The following EXD1 variants were observed in gnomAD, a reference collection of about 807,000 sequenced individuals.
The protein encoded by EXD1 is piRNA biogenesis protein EXD1.
A neutral mutation model predicts 49.1 loss-of-function variants in EXD1; 63 were observed. That is an observed-to-expected ratio of 1.28 (90% CI 1.05 to 1.58). The LOEUF is 1.58. Among genes scored for constraint, EXD1 ranks in the 40% most tolerant of loss-of-function variants. The probability of loss-of-function intolerance (pLI) is 0.00; values close to 1 mark genes in which losing one functional copy is unlikely to be tolerated. For missense variants in EXD1, 748 were observed against 666.0 expected, an observed-to-expected ratio of 1.12 and a Z score of -1.36; for synonymous variants, 234 against 239.2, an observed-to-expected ratio of 0.98 and a Z score of 0.20.
At chr15:41,218,006 C>G (rs926880970) in intron 3 of EXD1, among the ~76,000 whole-genome samples, 2 of 152,150 alleles carry the variant, frequency 1.3e-5, no homozygotes, top group Non-Finnish European at 2.9e-5. Flanking sequence ...CTTTTGGGGA[C>G]AACTCCTCCA....
intron 7 of EXD1, among the ~76,000 whole-genome samples, chr15:41,197,768 G>C (rs1048552415): frequency 6.7e-6 from 1 of 150,200 alleles, no homozygotes; most frequent in African/African-American, 2.4e-5. Context: ...GGATTACAGG[G>C]ACCCGCCACC....
At chr15:41,196,770 T>A (rs546389552) in intron 7 of EXD1, among the ~76,000 whole-genome samples, 1 of 152,166 alleles carries the variant, frequency 6.6e-6, no homozygotes, top group South Asian at 2.1e-4. Flanking sequence ...TTTCACCATG[T>A]TGGCCAGGCT....
intron 7 of EXD1, among the ~76,000 whole-genome samples, chr15:41,206,618 C>CT (rs764744329): frequency 0.46 from 46,125 of 101,004 alleles, 12,871 homozygotes; most frequent in East Asian, 0.65. Context: ...TTATTCAATT[C>CT]TTTTTTTTTT....
chr15:41,219,130 A>G (rs891247112), intron 3 of EXD1, among the ~76,000 whole-genome samples: 1 of 152,056 alleles, frequency 6.6e-6, no homozygotes, highest in African/African-American at 2.4e-5. Flanking sequence ...CTCTTATCCT[A>G]CTTGACATGT....
chr15:41,188,839 G>C (rs1380017713), intron 11 of EXD1, among the ~76,000 whole-genome samples: 3 of 110,056 alleles, frequency 2.7e-5, no homozygotes, highest in Admixed American at 2.4e-4. Flanking sequence ...GTCTTGCTCT[G>C]TCACCCAGGC....
At chr15:41,193,999 ATTTTT>A (rs747194413) in intron 9 of EXD1, among the ~76,000 whole-genome samples, 3 of 82,940 alleles carry the variant, frequency 3.6e-5, no homozygotes, top group African/African-American at 1.7e-4. Context: ...ATGACAAGTG[ATTTTT>A]TTTTTTTTTT....
chr15:41,199,086 A>G (rs2046665417), intron 7 of EXD1, among the ~76,000 whole-genome samples: 1 of 152,086 alleles, frequency 6.6e-6, no homozygotes, highest in African/African-American at 2.4e-5. Context: ...CAGCCTCCCA[A>G]GTAGCTGGGA....
At chr15:41,222,477 G>C (rs1453324210) in intron 2 of EXD1, among the ~76,000 whole-genome samples, 1 of 152,022 alleles carries the variant, frequency 6.6e-6, no homozygotes, top group African/African-American at 2.4e-5. Flanking sequence ...CCTCCTTTAG[G>C]AGATCACTCC....
At chr15:41,202,691 T>G (rs903987923) in intron 7 of EXD1, among the ~76,000 whole-genome samples, 21 of 152,118 alleles carry the variant, frequency 1.4e-4, no homozygotes, top group African/African-American at 4.6e-4. Flanking sequence ...GGTCTCCAAC[T>G]CCTGGCTTCA....
chr15:41,220,452 G>A (rs1312748144), intron 2 of EXD1, among the ~76,000 whole-genome samples: 2 of 152,084 alleles, frequency 1.3e-5, no homozygotes, highest in Non-Finnish European at 2.9e-5. Flanking sequence ...TAGAGACGGG[G>A]TTTCACCGTG....
intron 2 of EXD1, among the ~76,000 whole-genome samples, chr15:41,223,824 C>T (rs970988960): frequency 3.3e-5 from 5 of 151,578 alleles, no homozygotes; most frequent in Admixed American, 3.3e-4. Flanking sequence ...AAGATTGCAC[C>T]ACTGCACTCC....
At chr15:41,229,392 C>T (rs1464110190) in intron 1 of EXD1, among the ~76,000 whole-genome samples, 1 of 152,058 alleles carries the variant, frequency 6.6e-6, no homozygotes, top group Non-Finnish European at 1.5e-5. Flanking sequence ...GCATGATAAT[C>T]CCTTGAACCC....
At chr15:41,221,104 C>T (rs1456403166) in intron 2 of EXD1, among the ~76,000 whole-genome samples, 1 of 152,116 alleles carries the variant, frequency 6.6e-6, no homozygotes, top group Non-Finnish European at 1.5e-5. Flanking sequence ...CTGAGCCAGG[C>T]ATCATGCTAT....
intron 10 of EXD1, among the ~76,000 whole-genome samples, chr15:41,190,976 C>A (rs538140447): frequency 2.6e-5 from 4 of 152,132 alleles, no homozygotes; most frequent in Middle Eastern, 3.4e-3. Flanking sequence ...TGCAGTGGCA[C>A]GATCTCAGCT....
Position 41,184,587 on chromosome 15 carries a change from A to C in EXD1, c.1063T>G (p.Cys355Gly). 4.4e-6 allele frequency: 7 copies of C among 1,579,790 alleles called. No individual in the cohort carries two copies. Among genetic ancestry groups the C allele is most frequent in the South Asian group, 1.2e-5 (1 of 85,062 alleles). Residue 355 changes from cysteine (C) to glycine (G), a missense_variant, in exon 12 of 12, where the codon TGT becomes GGT. Cys to Gly is a radical substitution (Grantham distance 159, BLOSUM62 -3). Coordinates refer to ENST00000458580, the MANE Select transcript of EXD1 (RefSeq NM_001286441.2). ...AGCAGTTCCTCTGGCAGCTCCATAC[A>C]TGTAGGCTAAGAAGAGAAAGCGAAC... Reference protein sequence around the residue: ...ADRLGGTEPTCMELPEELLQL... With the variant: ...ADRLGGTEPTGMELPEELLQL...
intron 7 of EXD1, among the ~76,000 whole-genome samples, chr15:41,207,894 C>T (rs2046858140): frequency 6.6e-6 from 1 of 151,700 alleles, no homozygotes; most frequent in Non-Finnish European, 1.5e-5. Flanking sequence ...GCCTGTAATC[C>T]CAGCTACTCA....
intron 7 of EXD1, among the ~76,000 whole-genome samples, chr15:41,202,213 C>T (rs371434788): frequency 2.6e-5 from 4 of 151,472 alleles, no homozygotes; most frequent in Non-Finnish European, 5.9e-5. Flanking sequence ...CTCACTCTGT[C>T]GCCCAGGCTG....
At chr15:41,217,204 T>C (rs780083292) in intron 3 of EXD1, 50 bp from the exon 4 acceptor site, 3 of 1,479,978 alleles carry the variant, frequency 2.0e-6, no homozygotes, top group South Asian at 1.1e-5. Flanking sequence ...CAGAAATCAA[T>C]TAACTACTCC....
intron 11 of EXD1, among the ~76,000 whole-genome samples, chr15:41,188,803 CTTTT>C (rs112364138): frequency 4.5e-5 from 5 of 110,490 alleles, no homozygotes; most frequent in Non-Finnish European, 7.2e-5. Flanking sequence ...TTTCTTTCTT[CTTTT>C]TTTTTTTTTT....
Sources: gnomAD v4.1 joint callset for allele counts (sites outside exome capture counted in the v4.1 genomes callset) on GRCh38, gnomAD v4.1.1 for gene constraint, MANE v1.5 for transcripts, NCBI Gene and HGNC (gene_info 2026-07-23, HGNC 2026-07-21) for gene names.